The following SZRD1 variants were observed in gnomAD, a reference collection of about 807,000 sequenced individuals.
The protein encoded by SZRD1 is SUZ RNA-binding domain-containing.
SZRD1 carries 7 observed loss-of-function variants against 17.6 expected under a neutral mutation model. That is an observed-to-expected ratio of 0.40 (90% CI 0.23 to 0.75). The LOEUF (loss-of-function observed/expected upper bound fraction) is 0.75, where lower values mean the gene tolerates loss of function less well. Among genes scored for constraint, SZRD1 ranks in the 30% least tolerant of loss-of-function variants. The pLI is 0.38. For synonymous variants in SZRD1, 77 were observed against 77.9 expected (o/e 0.99, Z 0.06); for missense variants, 178 against 201.8 (o/e 0.88, Z 0.71).
At chr1:16,388,233 C>T (rs1162556011) in intron 1 of SZRD1, among the ~76,000 whole-genome samples, 2 of 152,114 alleles carry the variant, frequency 1.3e-5, no homozygotes, top group African/African-American at 4.8e-5. Context: ...CCTGCCTCAG[C>T]CTCCTGAGTA....
intron 1 of SZRD1, among the ~76,000 whole-genome samples, chr1:16,371,453 T>C (rs906411364): frequency 3.3e-5 from 5 of 149,832 alleles, no homozygotes; most frequent in African/African-American, 1.2e-4. Flanking sequence ...TTTTTCCTTT[T>C]TTTTTTTCCC....
intron 1 of SZRD1, among the ~76,000 whole-genome samples, chr1:16,374,692 G>A (rs76481303): frequency 0.018 from 2,770 of 152,268 alleles, 88 homozygotes; most frequent in African/African-American, 0.062. Context: ...CCGACAGCTA[G>A]CATCAGTTTC....
intron 1 of SZRD1, among the ~76,000 whole-genome samples, chr1:16,380,922 T>C (rs1413253978): frequency 6.6e-6 from 1 of 151,916 alleles, no homozygotes; most frequent in Non-Finnish European, 1.5e-5. Flanking sequence ...TCTTTTTTTT[T>C]TTTTTAAAGA....
At chr1:16,376,822 A>C (rs1399511018) in intron 1 of SZRD1, among the ~76,000 whole-genome samples, 2 of 151,488 alleles carry the variant, frequency 1.3e-5, no homozygotes, top group South Asian at 4.2e-4. Flanking sequence ...AAAAAAAAAA[A>C]AACGTTGCTC....
In SZRD1 at chr1:16,393,256, C is replaced by T; in HGVS notation, c.130C>T (p.Pro44Ser). 1 of 1,614,122 alleles carries T rather than the reference C, an allele frequency of 6.2e-7. No homozygotes were observed. Among genetic ancestry groups the T allele is most frequent in the Non-Finnish European group, 8.5e-7 (1 of 1,180,006 alleles). The part of the protein sequence containing the change: ...SRKSKSPPKV[P>S]IVIQDDSLPA... ...GAAATCCAAATCTCCTCCCAAAGTGCCCATTGTGATTCAGGACGATAGCCT... is the reference window on the plus strand; with the variant it reads ...GAAATCCAAATCTCCTCCCAAAGTGTCCATTGTGATTCAGGACGATAGCCT... The change falls in exon 3 of 4, where the codon CCC becomes TCC. Residue 44 changes from proline (P) to serine (S), a missense_variant. By Grantham distance (74) the Pro-to-Ser change is moderately conservative. Transcript: ENST00000401088. This position sits in a 1 kb window ranked among gnomAD's most constrained non-coding sequence, Gnocchi z 5.6.
At chr1:16,378,828 G>A (rs1168739261) in intron 1 of SZRD1, among the ~76,000 whole-genome samples, 1 of 151,350 alleles carries the variant, frequency 6.6e-6, no homozygotes, top group Non-Finnish European at 1.5e-5. Context: ...CTGGGTTCAA[G>A]TGATTCTCCT....
chr1:16,382,964 C>G (rs1229334804), intron 1 of SZRD1, among the ~76,000 whole-genome samples: 3 of 151,828 alleles, frequency 2.0e-5, no homozygotes, highest in African/African-American at 7.3e-5. Flanking sequence ...CTCCCGGGTT[C>G]TAGCGATTCT....
intron 1 of SZRD1, among the ~76,000 whole-genome samples, chr1:16,372,366 C>A (rs893603019): frequency 2.3e-4 from 35 of 151,846 alleles, no homozygotes; most frequent in African/African-American, 8.0e-4. Context: ...CCAGCTACTC[C>A]GGAGGCTGAG....
chr1:16,388,626 A>G (rs1333974064), intron 1 of SZRD1, among the ~76,000 whole-genome samples: 5 of 152,028 alleles, frequency 3.3e-5, no homozygotes, highest in Non-Finnish European at 5.9e-5. Context: ...TTATAAGGCA[A>G]AAAAGATCAC....
At position 16,391,954 on chromosome 1, in the gene SZRD1, T is replaced by C. The variant is rs1022314912; in HGVS notation, c.101+530T>C. 6.6e-6 allele frequency among the ~76,000 whole-genome samples: 1 copy of C among 152,118 alleles called. No homozygotes were observed. The highest frequency in any genetic ancestry group is 2.4e-5 in the African/African-American group (1 of 41,428). On this transcript the variant is annotated intron_variant, in intron 2 of 3. Coordinates refer to ENST00000401088, the MANE Select transcript of SZRD1 (RefSeq NM_001114600.3). The surrounding 1 kb of genome is among the most constrained non-coding windows in gnomAD (Gnocchi z 4.3). ...AGGGTGTTTCCAGAGTAGGTGAAAG[T>C]TGACTTCGGCTTTCTGCTTTTGGGC...
chr1:16,375,972 G>A (rs2082997152), intron 1 of SZRD1, among the ~76,000 whole-genome samples: 1 of 152,148 alleles, frequency 6.6e-6, no homozygotes, highest in South Asian at 2.1e-4. Context: ...TCTCACTGGC[G>A]AACAAGCGCG....
rs1304606622 is a variant in SZRD1, at chr1:16,396,099, C to A, written c.*959C>A. The A allele has an allele frequency of 2.0e-5, 3 of 152,660 alleles. No homozygotes were observed. Among genetic ancestry groups the A allele is most frequent in the African/African-American group, 7.2e-5 (3 of 41,436 alleles). The allele number at this position is 152,660 out of a possible 1,614,324, so 9.5% of individuals were successfully genotyped here. On this transcript the variant is annotated 3_prime_UTR_variant, in exon 4 of 4. Coordinates refer to ENST00000401088, the MANE Select transcript of SZRD1 (RefSeq NM_001114600.3). ...CAGGGAGTGAGATTGCATCCCTGGG[C>A]TTAGAAGTGACGGAGAGAAGACTTG...
rs1312786816 is a variant in SZRD1, at chr1:16,391,360, A to T, written c.52-15A>T. 1 of 1,530,640 alleles carries T rather than the reference A, an allele frequency of 6.5e-7. No individual in the cohort carries two copies. Among genetic ancestry groups the T allele is most frequent in the Non-Finnish European group, 8.8e-7 (1 of 1,131,572 alleles). 94.8% of individuals were successfully genotyped at this position (1,530,640 alleles called of 1,614,324 possible). A position where few individuals can be genotyped will look rare whatever the true frequency, so the allele number is the denominator to read the frequency against. The stretch of plus-strand genomic sequence containing the variant: ...GAGATTTTTTCCTCTTTTTATATAC[A>T]TTTTTTTCCTCTAGGAAATAGACAG... On this transcript the variant is annotated splice_polypyrimidine_tract_variant and intron_variant, in intron 1 of 3. Transcript: ENST00000401088. The surrounding 1 kb of genome is among the most constrained non-coding windows in gnomAD (Gnocchi z 4.3).
At chr1:16,392,368 A>G (rs970178862) in intron 2 of SZRD1, among the ~76,000 whole-genome samples, 1 of 152,038 alleles carries the variant, frequency 6.6e-6, no homozygotes, top group African/African-American at 2.4e-5. Context: ...TCGGGTGGTC[A>G]TTCCTGCCTG....
intron 1 of SZRD1, among the ~76,000 whole-genome samples, chr1:16,377,018 G>C (rs553796237): frequency 6.6e-6 from 1 of 152,082 alleles, no homozygotes; most frequent in Admixed American, 6.6e-5. Flanking sequence ...ACCGGCTGTT[G>C]GCTGCTCTCT....
Position 16,395,158 on chromosome 1 carries a change from T to G in SZRD1, c.*18T>G, listed in dbSNP as rs1172161847. Reference sequence around the variant, plus strand: ...GCAGATAAATGCAGGCAAGAAAAGATGCCGCCGTTGCTGCCGTCACCGCCT... The same window carrying G: ...GCAGATAAATGCAGGCAAGAAAAGAGGCCGCCGTTGCTGCCGTCACCGCCT... On this transcript the variant is annotated 3_prime_UTR_variant, in exon 4 of 4. Transcript: ENST00000401088. 1 of 1,572,820 alleles carries G rather than the reference T, an allele frequency of 6.4e-7. No homozygotes were observed. The highest frequency in any genetic ancestry group is 8.8e-7 in the Non-Finnish European group (1 of 1,142,804).
At chr1:16,381,798 G>A (rs2083109600) in intron 1 of SZRD1, among the ~76,000 whole-genome samples, 1 of 151,748 alleles carries the variant, frequency 6.6e-6, no homozygotes, top group South Asian at 2.1e-4. Context: ...CGGGTGTGGT[G>A]GCAGGCGCCT....
At position 16,396,891 on chromosome 1, in the gene SZRD1, C is replaced by T. The variant is rs2085321563; in HGVS notation, c.*1751C>T. The T allele has an allele frequency of 6.6e-6, 1 of 152,350 alleles. No individual in the cohort carries two copies. Among genetic ancestry groups the T allele is most frequent in the African/African-American group, 2.4e-5 (1 of 41,468 alleles). 9.4% of individuals were successfully genotyped at this position (152,350 alleles called of 1,614,324 possible). ...AGCCAGGCATTGCCCATGAGCAGAG[C>T]TGGAACCAGAGCTTCAGTCAGTAAG... On this transcript the variant is annotated 3_prime_UTR_variant, in exon 4 of 4. Coordinates refer to ENST00000401088, the MANE Select transcript of SZRD1 (RefSeq NM_001114600.3).
chr1:16,392,573 G>A (rs935312549), intron 2 of SZRD1, among the ~76,000 whole-genome samples: 4 of 152,214 alleles, frequency 2.6e-5, no homozygotes, highest in African/African-American at 7.2e-5. Flanking sequence ...CCCCGCCGCT[G>A]TCCAAAAGAC....
Sources: allele counts gnomAD v4.1 joint callset (sites outside exome capture counted in the v4.1 genomes callset), GRCh38; gene constraint gnomAD v4.1.1; non-coding constraint Gnocchi (gnomAD v3.1); transcripts MANE v1.5; gene names NCBI Gene and HGNC (gene_info 2026-07-23, HGNC 2026-07-21).